Variants in TENM4 observed in about 807,000 individuals in gnomAD.
TENM4 encodes the protein teneurin-4.
TENM4 carries 82 observed loss-of-function variants against 243.3 expected under a neutral mutation model. The ratio of observed to expected loss-of-function variants is 0.34; its 90% CI spans 0.28 to 0.40. The LOEUF (loss-of-function observed/expected upper bound fraction) is 0.40, where lower values mean the gene tolerates loss of function less well. Ranked by LOEUF, TENM4 falls within the 10% of genes least tolerant of loss-of-function variation. TENM4 has a pLI of 1.00. For missense variants in TENM4, 3,138 were observed against 3,673.3 expected, an observed-to-expected ratio of 0.85 and a Z score of 3.77; for synonymous variants, 1,412 against 1,456.3, an observed-to-expected ratio of 0.97 and a Z score of 0.69.
At chr11:79,098,221 ACCC>A (rs5792836) in intron 4 of TENM4, among the ~76,000 whole-genome samples, 1 of 121,130 alleles carries the variant, frequency 8.3e-6, no homozygotes, top group Non-Finnish European at 1.8e-5. Context: ...TGTCTCCCCC[ACCC>A]CCCCCCATCT....
chr11:78,791,658 A>C (rs779602810), intron 15 of TENM4, among the ~76,000 whole-genome samples: 1 of 152,236 alleles, frequency 6.6e-6, no homozygotes, highest in African/African-American at 2.4e-5. Context: ...GCAGACAGAT[A>C]TAACCTAAAT....
rs140045040 is a variant in TENM4 at position 79,099,255 on chromosome 11, G to T, written c.-65-29246C>A. On this transcript the variant is annotated intron_variant, in intron 4 of 33. Coordinates refer to ENST00000278550, the MANE Select transcript of TENM4 (RefSeq NM_001098816.3). ...GGGAGTGCTGCTGGGATTTCCTTCTGTGGGGATCTAGCCCCAGTGCCTTTG... is the reference window on the plus strand; with the variant it reads ...GGGAGTGCTGCTGGGATTTCCTTCTTTGGGGATCTAGCCCCAGTGCCTTTG... Among the ~76,000 whole-genome samples, 424 of 152,182 alleles carry T rather than the reference G, an allele frequency of 2.8e-3. 1 individual carries two copies. Among genetic ancestry groups the T allele is most frequent in the Non-Finnish European group, 5.1e-3 (347 of 68,006 alleles).
intron 3 of TENM4, among the ~76,000 whole-genome samples, chr11:79,204,038 C>G (rs1938819): frequency 0.12 from 18,045 of 152,126 alleles, 2,098 homozygotes; most frequent in East Asian, 0.46. Context: ...TCCACAGGTG[C>G]AGAAAAGAGA....
chr11:78,945,357 T>A (rs1341242113), intron 6 of TENM4, among the ~76,000 whole-genome samples: 1 of 152,222 alleles, frequency 6.6e-6, no homozygotes. Context: ...GTTACTATTG[T>A]AATTGTTCTG....
chr11:79,132,619 A>G (rs1565216793), intron 4 of TENM4, among the ~76,000 whole-genome samples: 1 of 152,172 alleles, frequency 6.6e-6, no homozygotes, highest in Non-Finnish European at 1.5e-5. Flanking sequence ...CAATAAATTT[A>G]AGAAAATTTA....
At chr11:79,331,226 G>C (rs1162546169) in intron 1 of TENM4, among the ~76,000 whole-genome samples, 1 of 152,050 alleles carries the variant, frequency 6.6e-6, no homozygotes, top group African/African-American at 2.4e-5. Flanking sequence ...TGACTGATAA[G>C]TGGACTTTTT....
At chr11:78,991,153 G>A (rs73502674) in intron 6 of TENM4, among the ~76,000 whole-genome samples, 7,096 of 152,180 alleles carry the variant, frequency 0.047, 233 homozygotes, top group African/African-American at 0.089. Flanking sequence ...GGCTGCTACC[G>A]GCACTGAATA....
At position 78,657,152 on chromosome 11, in the gene TENM4, G is replaced by T. The variant is rs539212226; in HGVS notation, c.*906C>A. 6.3e-5 allele frequency: 25 copies of T among 398,724 alleles called. No homozygotes were observed. Among genetic ancestry groups the T allele is most frequent in the Middle Eastern group, 6.3e-4 (1 of 1,588 alleles). The allele number at this position is 398,724 out of a possible 1,614,324, so 24.7% of individuals were successfully genotyped here. A position where few individuals can be genotyped will look rare whatever the true frequency, so the allele number is the denominator to read the frequency against. On this transcript the variant is annotated 3_prime_UTR_variant, in exon 34 of 34. Transcript: ENST00000278550. ...CCACATTGAAGGCTTGCTGTGCAGT[G>T]CTCGTTCTCACATCTGGCTTTGGGA...
chr11:79,108,764 C>T (rs1297705008), intron 4 of TENM4, among the ~76,000 whole-genome samples: 1 of 152,160 alleles, frequency 6.6e-6, no homozygotes, highest in Non-Finnish European at 1.5e-5. Flanking sequence ...GGCTCACAGG[C>T]CAGCAATAGT....
At chr11:79,100,135 T>C (rs537748681) in intron 4 of TENM4, among the ~76,000 whole-genome samples, 1 of 152,334 alleles carries the variant, frequency 6.6e-6, no homozygotes, top group South Asian at 2.1e-4. Context: ...GGTATAAGGA[T>C]ATGCAAATCA....
At chr11:79,151,842 A>C (rs1862517990) in intron 3 of TENM4, among the ~76,000 whole-genome samples, 1 of 152,122 alleles carries the variant, frequency 6.6e-6, no homozygotes, top group Admixed American at 6.5e-5. Flanking sequence ...AAAGCACTTC[A>C]ACATTTTCAT....
At chr11:78,660,593 A>G (rs1370771896) in intron 33 of TENM4, among the ~76,000 whole-genome samples, 2 of 152,184 alleles carry the variant, frequency 1.3e-5, no homozygotes, top group African/African-American at 4.8e-5. Context: ...GTTTCTGACC[A>G]CCAGCAGCAA....
chr11:79,319,148 T>A (rs1436897780), intron 1 of TENM4, among the ~76,000 whole-genome samples: 4 of 152,194 alleles, frequency 2.6e-5, no homozygotes, highest in Non-Finnish European at 5.9e-5. Flanking sequence ...ACAAATTAAG[T>A]AGCTAGCCTA....
At chr11:78,889,442 A>G (rs1855613864) in intron 9 of TENM4, among the ~76,000 whole-genome samples, 1 of 152,202 alleles carries the variant, frequency 6.6e-6, no homozygotes, top group South Asian at 2.1e-4. Context: ...ATTTAGTTGT[A>G]TTGACTCAAT....
chr11:79,321,806 C>G (rs1055183848), intron 1 of TENM4, among the ~76,000 whole-genome samples: 2 of 152,090 alleles, frequency 1.3e-5, no homozygotes, highest in African/African-American at 4.8e-5. Flanking sequence ...TTGGGTCAGA[C>G]AAAAGCTTGA....
At chr11:79,096,926 GCGCA>G (rs777355871) in intron 4 of TENM4, 5,908 of 124,282 alleles carry the variant, frequency 0.048, 125 homozygotes, top group Middle Eastern at 0.13. Flanking sequence ...GCGCGCGCGC[GCGCA>G]CACACACACA....
At chr11:78,923,089 G>A (rs889310611) in intron 6 of TENM4, among the ~76,000 whole-genome samples, 1 of 152,162 alleles carries the variant, frequency 6.6e-6, no homozygotes, top group African/African-American at 2.4e-5. Context: ...GTGGGAGGCA[G>A]AGCAGTGAAC....
At chr11:79,119,000 A>T (rs968083874) in intron 4 of TENM4, among the ~76,000 whole-genome samples, 2 of 150,814 alleles carry the variant, frequency 1.3e-5, no homozygotes, top group Non-Finnish European at 3.0e-5. Context: ...CACTGTAGCT[A>T]CAACATTTTA....
At chr11:78,753,391 C>T (rs899002171) in intron 19 of TENM4, among the ~76,000 whole-genome samples, 1 of 152,222 alleles carries the variant, frequency 6.6e-6, no homozygotes, top group Non-Finnish European at 1.5e-5. Flanking sequence ...ACTCTGGGCA[C>T]TTGCTATTAT....
Sources: allele counts gnomAD v4.1 joint callset (sites outside exome capture counted in the v4.1 genomes callset), GRCh38; gene constraint gnomAD v4.1.1; transcripts MANE v1.5; gene names NCBI Gene and HGNC (gene_info 2026-07-23, HGNC 2026-07-21).